FIGN: variants seen among roughly 807,000 people sequenced by gnomAD.
The protein encoded by FIGN is fidgetin, microtubule severing factor.
In FIGN, 11 loss-of-function variants were observed where a neutral mutation model predicts 51.3. The observed-to-expected ratio is 0.21, with a 90% confidence interval of 0.13 to 0.35. The LOEUF is 0.35. Among genes scored for constraint, FIGN ranks in the 10% least tolerant of loss-of-function variants. FIGN has a pLI of 1.00. For synonymous variants in FIGN, 407 were observed against 363.2 expected (o/e 1.12, Z -1.37); for missense variants, 857 against 943.6 (o/e 0.91, Z 1.20).
intron 2 of FIGN, among the ~76,000 whole-genome samples, chr2:163,682,005 G>C (rs1412124606): frequency 2.0e-5 from 3 of 152,194 alleles, no homozygotes; most frequent in Non-Finnish European, 4.4e-5. Context: ...TGAAGTTGCA[G>C]TTTGGCCTTG....
chr2:163,679,789 T>A (rs960736380), intron 2 of FIGN, among the ~76,000 whole-genome samples: 1 of 152,216 alleles, frequency 6.6e-6, no homozygotes, highest in African/African-American at 2.4e-5. Flanking sequence ...CTAATTGTCC[T>A]CTATAATCTG....
chr2:163,722,160 T>C (rs946630490), intron 2 of FIGN, among the ~76,000 whole-genome samples: 11 of 152,166 alleles, frequency 7.2e-5, no homozygotes, highest in African/African-American at 2.7e-4. Flanking sequence ...CAGTATTCAG[T>C]ACAAAATAAA....
intron 2 of FIGN, among the ~76,000 whole-genome samples, chr2:163,672,336 A>G (rs1683889709): frequency 6.6e-6 from 1 of 152,122 alleles, no homozygotes; most frequent in Non-Finnish European, 1.5e-5. Context: ...GAAACTGGGT[A>G]TATTGTGTAA....
intron 2 of FIGN, among the ~76,000 whole-genome samples, chr2:163,692,741 G>A (rs992764950): frequency 6.6e-6 from 1 of 152,162 alleles, no homozygotes; most frequent in Admixed American, 6.5e-5. Flanking sequence ...AAAAACAAAC[G>A]AGCAAATTCT....
intron 2 of FIGN, among the ~76,000 whole-genome samples, chr2:163,707,783 C>T (rs1294081420): frequency 6.6e-6 from 1 of 151,838 alleles, no homozygotes; most frequent in Non-Finnish European, 1.5e-5. Flanking sequence ...TTTTTCTTTT[C>T]CTGTAAATCT....
intron 2 of FIGN, among the ~76,000 whole-genome samples, chr2:163,697,543 C>A (rs1242142250): frequency 6.6e-6 from 1 of 152,062 alleles, no homozygotes; most frequent in Non-Finnish European, 1.5e-5. Context: ...ACATAAACAC[C>A]CAAACACTCC....
rs1467684234 is a variant in FIGN at position 163,655,168 on chromosome 2, T to C, written c.26-43362A>G. Among the ~76,000 whole-genome samples, 4 of 152,120 alleles carry C rather than the reference T, an allele frequency of 2.6e-5. No homozygotes were observed. In the East Asian group the frequency reaches 7.7e-4, roughly 29 times the overall value. On this transcript the variant is annotated intron_variant, in intron 2 of 2. Coordinates refer to ENST00000333129, the MANE Select transcript of FIGN (RefSeq NM_018086.4). The stretch of plus-strand genomic sequence containing the variant: ...CAGTATTTCGGGCCATGACCTTCTT[T>C]GAAGTTGAAGTAGCCAACACTTGAC...
Position 163,611,540 on chromosome 2 carries a change from G to C in FIGN, c.292C>G (p.Leu98Val). The change falls in exon 3 of 3, where the codon CTA (leucine) becomes GTA (valine). Residue 98 changes from leucine to valine, a missense_variant. Coordinates refer to ENST00000333129, the MANE Select transcript of FIGN (RefSeq NM_018086.4). ...LSNYSDTPSG[L>V]VNGRKNESEP... ...CTTTCATTTTTCCGACCGTTCACTAGTCCTGATGGTGTGTCCGAATAGTTG... is the reference window on the plus strand; with the variant it reads ...CTTTCATTTTTCCGACCGTTCACTACTCCTGATGGTGTGTCCGAATAGTTG... 1 of 1,614,214 alleles carries C rather than the reference G, an allele frequency of 6.2e-7. No individual in the cohort carries two copies. Among genetic ancestry groups the C allele is most frequent in the South Asian group, 1.1e-5 (1 of 91,092 alleles).
chr2:163,730,504 T>TTGTGTGTG (rs59444555), intron 2 of FIGN, among the ~76,000 whole-genome samples: 2,200 of 148,988 alleles, frequency 0.015, 44 homozygotes, highest in African/African-American at 0.041. Flanking sequence ...TGCTCCGTGT[T>TTGTGTGTG]TGTGTGTGTG....
intron 2 of FIGN, among the ~76,000 whole-genome samples, chr2:163,669,998 C>T (rs1683849658): frequency 6.6e-6 from 1 of 151,968 alleles, no homozygotes; most frequent in South Asian, 2.1e-4. Flanking sequence ...ATTTTTACAT[C>T]AATGAAGTAT....
chr2:163,734,155 G>C (rs566974086), intron 2 of FIGN, among the ~76,000 whole-genome samples: 2 of 150,940 alleles, frequency 1.3e-5, no homozygotes, highest in Admixed American at 6.6e-5. Context: ...GATTTCAAAC[G>C]AAGTCAATTT....
chr2:163,668,750 C>A (rs909099750), intron 2 of FIGN, among the ~76,000 whole-genome samples: 1 of 151,910 alleles, frequency 6.6e-6, no homozygotes, highest in Admixed American at 6.6e-5. Flanking sequence ...ACCATCCTGG[C>A]TAACACGGTG....
chr2:163,706,897 C>T (rs892586337), intron 2 of FIGN, among the ~76,000 whole-genome samples: 1 of 152,040 alleles, frequency 6.6e-6, no homozygotes, highest in Non-Finnish European at 1.5e-5. Flanking sequence ...GCCAGTATGA[C>T]CAAAGGTATA....
chr2:163,617,926 T>C (rs1682906008), intron 2 of FIGN, among the ~76,000 whole-genome samples: 1 of 152,054 alleles, frequency 6.6e-6, no homozygotes, highest in Non-Finnish European at 1.5e-5. Flanking sequence ...AGGCCAGGGG[T>C]GCATTAAAGA....
intron 2 of FIGN, among the ~76,000 whole-genome samples, chr2:163,699,866 C>T (rs188936844): frequency 3.3e-5 from 5 of 152,208 alleles, no homozygotes; most frequent in Admixed American, 2.6e-4. Context: ...TTGAATGAAC[C>T]ATTTGTAATA....
At chr2:163,735,507 A>AT (rs1158594127) in intron 1 of FIGN, among the ~76,000 whole-genome samples, 6 of 152,148 alleles carry the variant, frequency 3.9e-5, no homozygotes, top group South Asian at 4.1e-4. Flanking sequence ...CCGCTTTCTT[A>AT]TTTTTTTATT....
intron 2 of FIGN, among the ~76,000 whole-genome samples, chr2:163,720,361 A>G (rs1684737799): frequency 6.6e-6 from 1 of 152,318 alleles, no homozygotes; most frequent in Admixed American, 6.5e-5. Flanking sequence ...GGCATGGCCG[A>G]CCACTGAATG....
chr2:163,718,045 T>C (rs1684696529), intron 2 of FIGN, among the ~76,000 whole-genome samples: 1 of 151,132 alleles, frequency 6.6e-6, no homozygotes, highest in Admixed American at 6.6e-5. Flanking sequence ...GTTGATCATG[T>C]TGGAAAGTAC....
intron 2 of FIGN, among the ~76,000 whole-genome samples, chr2:163,671,973 G>A (rs1240859685): frequency 2.6e-5 from 4 of 152,036 alleles, no homozygotes; most frequent in Non-Finnish European, 2.9e-5. Context: ...TATTGAGATG[G>A]AAATATCCTG....
Sources: gnomAD v4.1 joint callset for allele counts (sites outside exome capture counted in the v4.1 genomes callset) on GRCh38, gnomAD v4.1.1 for gene constraint, MANE v1.5 for transcripts, NCBI Gene and HGNC (gene_info 2026-07-23, HGNC 2026-07-21) for gene names.